The following RORA variants were observed in gnomAD, a reference collection of about 807,000 sequenced individuals.
The protein encoded by RORA is nuclear receptor ROR-alpha.
RORA carries 7 observed loss-of-function variants against 69.5 expected under a neutral mutation model. The ratio of observed to expected loss-of-function variants is 0.10; its 90% CI spans 0.06 to 0.19. The LOEUF (loss-of-function observed/expected upper bound fraction) is 0.19. RORA is among the 10% of genes least tolerant of loss of function. The probability of loss-of-function intolerance (pLI) is 1.00; values close to 1 mark genes in which losing one functional copy is unlikely to be tolerated. For synonymous variants in RORA, 261 were observed against 240.8 expected, an observed-to-expected ratio of 1.08 and a Z score of -0.78; for missense variants, 457 against 663.0, an observed-to-expected ratio of 0.69 and a Z score of 3.41.
At chr15:60,854,176 C>T (rs1171410653) in intron 1 of RORA, among the ~76,000 whole-genome samples, 1 of 152,056 alleles carries the variant, frequency 6.6e-6, no homozygotes, top group Non-Finnish European at 1.5e-5. Flanking sequence ...GCTGGAGAAT[C>T]GCTTGAACCC....
At chr15:61,171,517 A>C (rs2079584935) in intron 1 of RORA, among the ~76,000 whole-genome samples, 1 of 152,224 alleles carries the variant, frequency 6.6e-6, no homozygotes, top group Non-Finnish European at 1.5e-5. Flanking sequence ...ATCCGGAAGT[A>C]AATTTATTAA....
At chr15:60,691,647 A>G (rs1009801661) in intron 1 of RORA, among the ~76,000 whole-genome samples, 1 of 152,220 alleles carries the variant, frequency 6.6e-6, no homozygotes, top group African/African-American at 2.4e-5. Context: ...AAGGCTACAT[A>G]CAAAGAGTGA....
At chr15:60,678,801 G>A in intron 1 of RORA, 115 bp from the exon 2 acceptor site, 1 of 841,868 alleles carries the variant, frequency 1.2e-6, no homozygotes, top group Admixed American at 1.9e-5. Context: ...GGAAGTGGAA[G>A]CAAGACCAGT....
chr15:60,719,553 A>G (rs952951656), intron 1 of RORA, among the ~76,000 whole-genome samples: 10 of 152,168 alleles, frequency 6.6e-5, no homozygotes, highest in Non-Finnish European at 2.9e-5. Context: ...AGGTGCAAAA[A>G]CCCGAGAGCA....
intron 1 of RORA, among the ~76,000 whole-genome samples, chr15:60,929,715 C>T (rs368127063): frequency 9.2e-5 from 14 of 152,164 alleles, no homozygotes; most frequent in African/African-American, 2.7e-4. Context: ...TTTCCCGCTT[C>T]GCTCTTCAAC....
chr15:60,859,595 C>T lies in RORA; in HGVS notation c.167-180909G>A, dbSNP rs562015411. Among the ~76,000 whole-genome samples, 898 of 150,728 alleles carry T rather than the reference C, an allele frequency of 6.0e-3. 12 individuals carry two copies. The highest frequency in any genetic ancestry group is 0.02 in the African/African-American group (825 of 41,044). On this transcript the variant is annotated intron_variant, in intron 1 of 10. Transcript: ENST00000335670. Reference sequence around the variant, plus strand: ...TGCCCAAGAGATTGTCCCATCTCAGCCTGGTGAGACTATAGCAACACGACA... The same window carrying T: ...TGCCCAAGAGATTGTCCCATCTCAGTCTGGTGAGACTATAGCAACACGACA...
chr15:60,576,572 G>C (rs2068031841), intron 2 of RORA, among the ~76,000 whole-genome samples: 1 of 152,204 alleles, frequency 6.6e-6, no homozygotes, highest in Non-Finnish European at 1.5e-5. Context: ...AGAAATTTCA[G>C]GGAAGGTTGG....
chr15:60,598,588 C>CA (rs2068748304), intron 2 of RORA: 1 of 152,132 alleles, frequency 6.6e-6, no homozygotes, highest in African/African-American at 2.4e-5. Context: ...TGTAAGAATA[C>CA]AATATATAAT....
intron 1 of RORA, among the ~76,000 whole-genome samples, chr15:61,000,657 G>A (rs1488732742): frequency 6.6e-6 from 1 of 152,182 alleles, no homozygotes; most frequent in African/African-American, 2.4e-5. Flanking sequence ...TGGAATTGGG[G>A]TGGTTTTGAC....
chr15:60,674,860 G>A (rs1429668819), intron 2 of RORA, among the ~76,000 whole-genome samples: 1 of 152,138 alleles, frequency 6.6e-6, no homozygotes, highest in East Asian at 1.9e-4. Flanking sequence ...CTGTCCCTCA[G>A]TGTGGGAGAA....
intron 3 of RORA, among the ~76,000 whole-genome samples, chr15:60,516,421 G>T (rs1042541291): frequency 6.8e-6 from 1 of 147,802 alleles, no homozygotes; most frequent in South Asian, 2.1e-4. Context: ...TTATCTTTCA[G>T]TGGCTTTGCA....
intron 2 of RORA, among the ~76,000 whole-genome samples, chr15:60,677,490 A>G (rs2070571226): frequency 6.6e-6 from 1 of 152,024 alleles, no homozygotes; most frequent in African/African-American, 2.4e-5. Flanking sequence ...ATTCCATTGA[A>G]GGCCATGAGA....
At chr15:60,943,993 A>G (rs147689092) in intron 1 of RORA, among the ~76,000 whole-genome samples, 1 of 151,758 alleles carries the variant, frequency 6.6e-6, no homozygotes, top group East Asian at 1.9e-4. Flanking sequence ...GCATAAATAT[A>G]TCACTTCTAT....
At chr15:61,039,542 G>C (rs554361390) in intron 1 of RORA, among the ~76,000 whole-genome samples, 3 of 151,978 alleles carry the variant, frequency 2.0e-5, no homozygotes, top group African/African-American at 7.2e-5. Flanking sequence ...TCAGGAGTTC[G>C]AGACCAGCCT....
At chr15:60,812,427 T>C (rs921823078) in intron 1 of RORA, among the ~76,000 whole-genome samples, 3 of 152,138 alleles carry the variant, frequency 2.0e-5, no homozygotes, top group Non-Finnish European at 2.9e-5. Context: ...GAAGAATTGC[T>C]ATAGCCTAGG....
intron 1 of RORA, among the ~76,000 whole-genome samples, chr15:61,029,075 C>T (rs1482923941): frequency 1.3e-5 from 2 of 151,762 alleles, no homozygotes; most frequent in East Asian, 3.9e-4. Flanking sequence ...GTGATGGTTG[C>T]ACACCTCTGT....
At chr15:60,717,796 C>CTTTTTTTTTTTT (rs10653856) in intron 1 of RORA, among the ~76,000 whole-genome samples, 4 of 91,974 alleles carry the variant, frequency 4.3e-5, no homozygotes, top group African/African-American at 8.5e-5. Flanking sequence ...TTCTTTTTCT[C>CTTTTTTTTTTTT]TTTTTTTTTT....
chr15:60,518,103 G>A (rs1209082081), intron 3 of RORA, among the ~76,000 whole-genome samples: 1 of 152,114 alleles, frequency 6.6e-6, no homozygotes, highest in African/African-American at 2.4e-5. Context: ...GGCTCAAGCG[G>A]TCCTCCCACC....
intron 1 of RORA, among the ~76,000 whole-genome samples, chr15:60,924,678 G>A (rs1429609051): frequency 6.6e-6 from 1 of 152,160 alleles, no homozygotes; most frequent in African/African-American, 2.4e-5. Flanking sequence ...ACCACAGGGC[G>A]GTGCGTGGAG....
Sources: gnomAD v4.1 joint callset for allele counts (sites outside exome capture counted in the v4.1 genomes callset) on GRCh38, gnomAD v4.1.1 for gene constraint, MANE v1.5 for transcripts, NCBI Gene and HGNC (gene_info 2026-07-23, HGNC 2026-07-21) for gene names.